SUCLG1: variants seen among roughly 807,000 people sequenced by gnomAD.
SUCLG1 encodes succinate--CoA ligase [ADP/GDP-forming] subunit alpha, mitochondrial.
Under a neutral mutation model 37.3 loss-of-function variants are expected in SUCLG1, and 26 were observed. The observed-to-expected ratio is 0.70, with a 90% CI of 0.51 to 0.97. SUCLG1 has a LOEUF of 0.97. Ranked by LOEUF, SUCLG1 falls within the 50% of genes least tolerant of loss-of-function variation. The pLI, the probability that SUCLG1 is intolerant of heterozygous loss-of-function variation, is 0.00. For synonymous variants in SUCLG1, 163 were observed against 155.6 expected (o/e 1.05, Z -0.36); for missense variants, 433 against 432.9 (o/e 1.00, Z 0.00).
At position 84,441,121 on chromosome 2, in the gene SUCLG1, T is replaced by C; in HGVS notation, c.532-17A>G. The C allele has an allele frequency of 1.9e-6, 3 of 1,613,930 alleles. No homozygotes were observed. Among genetic ancestry groups the C allele is most frequent in the Non-Finnish European group, 2.5e-6 (3 of 1,179,972 alleles). ...TTCTCCAGGCTGAAAGTAATCATAG[T>C]TTTCAGAAATGTTAAAAAAAAAAGT... is the stretch of plus-strand genomic sequence containing the variant. On this transcript the variant is annotated splice_polypyrimidine_tract_variant and intron_variant, in intron 4 of 8. Coordinates refer to ENST00000393868, the MANE Select transcript of SUCLG1 (RefSeq NM_003849.4).
intron 1 of SUCLG1, among the ~76,000 whole-genome samples, chr2:84,451,729 CCT>C (rs879931236): frequency 6.6e-6 from 1 of 152,128 alleles, no homozygotes; most frequent in Non-Finnish European, 1.5e-5. Flanking sequence ...GTGCAATGCC[CCT>C]GAGAGCCTGC....
At position 84,427,700 on chromosome 2, in the gene SUCLG1, C is replaced by A. The variant is rs538829924; in HGVS notation, c.826-2097G>T. ...CTTGACACAGCAGGTTTACTTTGTT[C>A]ATTATTGAGAAGAGATCTGTCTGAA... is the stretch of plus-strand genomic sequence containing the variant. On this transcript the variant is annotated intron_variant, in intron 7 of 8. Transcript: ENST00000393868. Among the ~76,000 whole-genome samples, 18 of 152,260 alleles carry A rather than the reference C, an allele frequency of 1.2e-4. No individual in the cohort carries two copies. In the East Asian group the frequency reaches 3.3e-3, roughly 28 times the overall value.
chr2:84,440,609 A>G lies in SUCLG1; in HGVS notation c.589+438T>C, dbSNP rs573755837. Among the ~76,000 whole-genome samples the G allele has an allele frequency of 3.3e-5, 5 of 152,340 alleles. No homozygotes were observed. In the South Asian group the frequency reaches 1.0e-3, roughly 32 times the overall value. On this transcript the variant is annotated intron_variant, in intron 5 of 8. Coordinates refer to ENST00000393868, the MANE Select transcript of SUCLG1 (RefSeq NM_003849.4). Reference sequence around the variant, plus strand: ...TTTCCACAAAAAGACCTGTACACAAATGTTGACCTAAGCCTTGTTTGTAAG... The same window carrying G: ...TTTCCACAAAAAGACCTGTACACAAGTGTTGACCTAAGCCTTGTTTGTAAG...
At chr2:84,432,262 A>C (rs1364481363) in intron 6 of SUCLG1, 1 of 152,650 alleles carries the variant, frequency 6.6e-6, no homozygotes, top group Non-Finnish European at 1.5e-5. Flanking sequence ...ACAGGGTTAA[A>C]GTAAATGTTC....
chr2:84,433,734 A>G (rs1344206963), intron 5 of SUCLG1: 3 of 416,524 alleles, frequency 7.2e-6, no homozygotes, highest in African/African-American at 2.0e-5. Context: ...CTTTATGAAG[A>G]AGCTAGTATC....
chr2:84,449,493 T>C (rs898009372), intron 2 of SUCLG1, among the ~76,000 whole-genome samples, 156 bp downstream of exon 2: 9 of 152,120 alleles, frequency 5.9e-5, no homozygotes, highest in African/African-American at 1.9e-4. Flanking sequence ...AGGCTGACAA[T>C]AGCAACTAAC....
chr2:84,446,327 T>C (rs565722205), intron 2 of SUCLG1, among the ~76,000 whole-genome samples: 76 of 152,348 alleles, frequency 5.0e-4, no homozygotes, highest in African/African-American at 1.7e-3. Flanking sequence ...TATGTCCACT[T>C]TGTTCATTGC....
rs539350409 is a variant in SUCLG1 at position 84,443,355 on chromosome 2, C to A, written c.247G>T (p.Val83Phe). 38 of 1,614,040 alleles carry A rather than the reference C, an allele frequency of 2.4e-5. No homozygotes were observed. The highest frequency in any genetic ancestry group is 3.1e-5 in the Non-Finnish European group (37 of 1,180,004). The part of the protein sequence containing the change: ...QQALEYGTKL[V>F]GGTTPGKGGQ... ...CCTTTCCCTGGAGTGGTTCCTCCAA[C>A]GAGTTTGGTGCCATATTCCAATGCC... is the stretch of plus-strand genomic sequence containing the variant. Residue 83 changes from valine to phenylalanine, a missense_variant, in exon 3 of 9, where the codon GTT becomes TTT. Val to Phe is a conservative substitution (Grantham distance 50). Transcript: ENST00000393868.
At chr2:84,441,186 C>G in intron 4 of SUCLG1, 61 bp downstream of exon 4, 6 of 1,612,666 alleles carry the variant, frequency 3.7e-6, no homozygotes, top group Non-Finnish European at 5.1e-6. Flanking sequence ...CGCATTCACT[C>G]AAAGCTGTTT....
intron 7 of SUCLG1, 45 bp from the exon 8 acceptor site, chr2:84,425,648 T>C (rs1333678378): frequency 6.2e-7 from 1 of 1,606,128 alleles, no homozygotes; most frequent in East Asian, 2.2e-5. Context: ...AAGAAGTCAA[T>C]CAAAACGGGA....
intron 7 of SUCLG1, chr2:84,425,881 T>G (rs1312090887): frequency 6.6e-6 from 3 of 456,346 alleles, no homozygotes; most frequent in Non-Finnish European, 1.2e-5. Context: ...ACGCTATCAT[T>G]TGAAAAGTAA....
intron 2 of SUCLG1, among the ~76,000 whole-genome samples, chr2:84,447,175 A>C (rs1450630491): frequency 1.3e-5 from 2 of 152,236 alleles, no homozygotes; most frequent in African/African-American, 4.8e-5. Flanking sequence ...TGTACTGAGA[A>C]AACAAACTAA....
At chr2:84,444,261 T>C (rs1279508853) in intron 2 of SUCLG1, among the ~76,000 whole-genome samples, 1 of 152,188 alleles carries the variant, frequency 6.6e-6, no homozygotes, top group African/African-American at 2.4e-5. Context: ...TTCACTTAGG[T>C]TCTTTTCCAT....
intron 1 of SUCLG1, among the ~76,000 whole-genome samples, chr2:84,451,712 TC>T (rs150580167): frequency 0.011 from 1,624 of 152,284 alleles, 42 homozygotes; most frequent in African/African-American, 0.037. Flanking sequence ...TTAGTGTTAC[TC>T]AGCCTGTGCA....
chr2:84,433,624 T>G lies in SUCLG1; in HGVS notation c.590-189A>C, dbSNP rs76590175. On this transcript the variant is annotated intron_variant, in intron 5 of 8. Transcript: ENST00000393868. Reference sequence around the variant, plus strand: ...AAAGGCTTAAATTCAAGCAGGGGGGTTTTTTAATTTAGACAAAGGAGAAAG... The same window carrying G: ...AAAGGCTTAAATTCAAGCAGGGGGGGTTTTTAATTTAGACAAAGGAGAAAG... 0.031 allele frequency: 18,757 copies of G among 608,136 alleles called. 797 individuals are homozygous for G. The highest frequency in any genetic ancestry group is 0.14 in the African/African-American group (7,623 of 52,940). 37.7% of individuals were successfully genotyped at this position (608,136 alleles called of 1,614,324 possible).
At position 84,439,509 on chromosome 2, in the gene SUCLG1, A is replaced by G. The variant is rs562126003; in HGVS notation, c.589+1538T>C. 5.3e-5 allele frequency among the ~76,000 whole-genome samples: 8 copies of G among 152,338 alleles called. No homozygotes were observed. The East Asian group carries it at 1.4e-3, about 26-fold the overall frequency. ...GGCCCCACTGGAACTCAGATGGCCT[A>G]TGGAGCTCCCTGAAATCTCTCTTGT... On this transcript the variant is annotated intron_variant, in intron 5 of 8. Coordinates refer to ENST00000393868, the MANE Select transcript of SUCLG1 (RefSeq NM_003849.4).
chr2:84,444,774 C>T (rs929931133), intron 2 of SUCLG1, among the ~76,000 whole-genome samples: 7 of 152,132 alleles, frequency 4.6e-5, no homozygotes, highest in African/African-American at 1.7e-4. Flanking sequence ...ATTTTAGAGG[C>T]CTACCCTCAG....
chr2:84,424,601 T>C (rs989904090), intron 8 of SUCLG1, among the ~76,000 whole-genome samples: 7 of 152,222 alleles, frequency 4.6e-5, no homozygotes, highest in African/African-American at 9.6e-5. Flanking sequence ...AAATTCTCTC[T>C]GAATGCTGTT....
Position 84,459,151 on chromosome 2 carries a change from AGACAGTACTGGCTG to A in SUCLG1, c.97+8_97+21del. ...GGCCAATAACCCGCGGGCGCCAGGA[AGACAGTACTGGCTG>A]GACTCACGGAGGAAGCTGCGCGACA... On this transcript the variant is annotated splice_region_variant and intron_variant, in intron 1 of 8. Coordinates refer to ENST00000393868, the MANE Select transcript of SUCLG1 (RefSeq NM_003849.4). The A allele has an allele frequency of 6.5e-7, 1 of 1,538,374 alleles. No individual in the cohort carries two copies. The highest frequency in any genetic ancestry group is 2.5e-5 in the East Asian group (1 of 40,476).
Sources: gnomAD v4.1 joint callset for allele counts (sites outside exome capture counted in the v4.1 genomes callset) on GRCh38, gnomAD v4.1.1 for gene constraint, MANE v1.5 for transcripts, NCBI Gene and HGNC (gene_info 2026-07-23, HGNC 2026-07-21) for gene names.